CYP7B1: variants seen among roughly 807,000 people sequenced by gnomAD.
CYP7B1 encodes the protein cytochrome P450 family 7 subfamily B member 1.
In CYP7B1, 29 loss-of-function variants were observed where a neutral mutation model predicts 42.7. The observed-to-expected ratio is 0.68, with a 90% CI of 0.51 to 0.93. The LOEUF is 0.93. Among genes scored for constraint, CYP7B1 ranks in the 40% least tolerant of loss-of-function variants. The probability of loss-of-function intolerance (pLI) is 0.00; values close to 1 mark genes in which losing one functional copy is unlikely to be tolerated. For synonymous variants in CYP7B1, 235 were observed against 218.2 expected (o/e 1.08, Z -0.68); for missense variants, 655 against 600.5 (o/e 1.09, Z -0.95).
intron 2 of CYP7B1, among the ~76,000 whole-genome samples, chr8:64,622,136 T>A (rs1420659231): frequency 6.6e-6 from 1 of 151,876 alleles, no homozygotes; most frequent in Non-Finnish European, 1.5e-5. Flanking sequence ...ATTTGAATAA[T>A]AATGCATAAA....
At position 64,659,645 on chromosome 8, in the gene CYP7B1, AT is replaced by A. The variant is rs575150700; in HGVS notation, c.123-35107del. Among the ~76,000 whole-genome samples, 401 of 152,320 alleles carry A rather than the reference AT, an allele frequency of 2.6e-3. 5 individuals carry two copies. Among genetic ancestry groups the A allele is most frequent in the Non-Finnish European group, 1.2e-3 (80 of 68,022 alleles). ...GATCACTGTATACTTGTAATTTTTG[AT>A]ATAAAACATTAGCATAATCACGGTT... On this transcript the variant is annotated intron_variant, in intron 1 of 5. Transcript: ENST00000310193.
chr8:64,617,728 C>T lies in CYP7B1; in HGVS notation c.260-1447G>A, dbSNP rs190166022. On this transcript the variant is annotated intron_variant, in intron 2 of 5. Transcript: ENST00000310193. ...TTGCTCTGTTAGCGGAACAACTTCT[C>T]ACTTGTTATTTATGGTAACTCAAAC... 2.1e-3 allele frequency among the ~76,000 whole-genome samples: 317 copies of T among 151,926 alleles called. 6 individuals are homozygous for T. The highest frequency in any genetic ancestry group is 0.018 in the Admixed American group (274 of 15,230).
intron 5 of CYP7B1, among the ~76,000 whole-genome samples, chr8:64,599,290 G>A (rs1378404478): frequency 1.3e-5 from 2 of 151,994 alleles, no homozygotes; most frequent in Admixed American, 6.6e-5. Context: ...CTGGGTTCAC[G>A]CCATTCTCCT....
At chr8:64,719,456 C>T (rs1364085317) in intron 1 of CYP7B1, among the ~76,000 whole-genome samples, 5 of 152,198 alleles carry the variant, frequency 3.3e-5, no homozygotes, top group Non-Finnish European at 5.9e-5. Context: ...CTGAGTTTAT[C>T]AGCTAGGACA....
chr8:64,711,665 A>T (rs1807083760), intron 1 of CYP7B1, among the ~76,000 whole-genome samples: 1 of 152,328 alleles, frequency 6.6e-6, no homozygotes, highest in Middle Eastern at 3.4e-3. Flanking sequence ...GCAAGCCATA[A>T]TACTAAGGAG....
chr8:64,753,568 G>A (rs1366868118), intron 1 of CYP7B1, among the ~76,000 whole-genome samples: 3 of 152,178 alleles, frequency 2.0e-5, no homozygotes, highest in Admixed American at 6.5e-5. Flanking sequence ...GAAGGAATAC[G>A]TGACAGGACA....
intron 1 of CYP7B1, among the ~76,000 whole-genome samples, chr8:64,774,790 G>C (rs894423009): frequency 3.3e-5 from 5 of 152,084 alleles, no homozygotes; most frequent in African/African-American, 1.2e-4. Flanking sequence ...TCAAGGGTCT[G>C]GGCAATAAAA....
intron 4 of CYP7B1, among the ~76,000 whole-genome samples, chr8:64,606,712 C>T (rs1330959762): frequency 6.6e-6 from 1 of 152,184 alleles, no homozygotes; most frequent in Non-Finnish European, 1.5e-5. Flanking sequence ...AGTGACAAAT[C>T]TGTTTTACCT....
intron 1 of CYP7B1, among the ~76,000 whole-genome samples, chr8:64,792,042 GGCTCACATGAAA>G (rs1240903391): frequency 6.6e-6 from 1 of 152,156 alleles, no homozygotes; most frequent in Non-Finnish European, 1.5e-5. Flanking sequence ...TGCTGGTGAA[GGCTCACATGAAA>G]TGAAGAACTA....
chr8:64,734,717 T>C (rs182136136), intron 1 of CYP7B1, among the ~76,000 whole-genome samples: 2 of 152,330 alleles, frequency 1.3e-5, no homozygotes, highest in East Asian at 1.9e-4. Flanking sequence ...CTATATATCA[T>C]GTGAAGATTG....
At chr8:64,664,467 C>G (rs1296189461) in intron 1 of CYP7B1, among the ~76,000 whole-genome samples, 2 of 152,100 alleles carry the variant, frequency 1.3e-5, no homozygotes, top group African/African-American at 4.8e-5. Flanking sequence ...TATCATTATC[C>G]TCTTTTACAG....
intron 1 of CYP7B1, among the ~76,000 whole-genome samples, chr8:64,741,054 GT>G (rs1334486864): frequency 2.0e-5 from 3 of 151,902 alleles, no homozygotes; most frequent in Non-Finnish European, 4.4e-5. Flanking sequence ...GACCAATGTG[GT>G]TTTATTGAGG....
intron 1 of CYP7B1, among the ~76,000 whole-genome samples, chr8:64,653,990 C>T (rs1806080513): frequency 6.6e-6 from 1 of 151,994 alleles, no homozygotes; most frequent in Non-Finnish European, 1.5e-5. Context: ...AAACTAAAAA[C>T]TCAATAAATA....
At chr8:64,643,683 T>C (rs1805902982) in intron 1 of CYP7B1, among the ~76,000 whole-genome samples, 2 of 152,230 alleles carry the variant, frequency 1.3e-5, no homozygotes, top group Non-Finnish European at 2.9e-5. Context: ...TTTTCAAAAT[T>C]GGAGTCAATT....
At chr8:64,637,874 C>A (rs1805796693) in intron 1 of CYP7B1, among the ~76,000 whole-genome samples, 1 of 152,166 alleles carries the variant, frequency 6.6e-6, no homozygotes, top group Non-Finnish European at 1.5e-5. Flanking sequence ...TCAATATGGT[C>A]AGACATATGG....
chr8:64,661,977 A>G (rs1407775529), intron 1 of CYP7B1, among the ~76,000 whole-genome samples: 1 of 152,118 alleles, frequency 6.6e-6, no homozygotes, highest in Non-Finnish European at 1.5e-5. Context: ...TCATTCATAA[A>G]TATCTAATAT....
chr8:64,731,456 G>C (rs998624433), intron 1 of CYP7B1, among the ~76,000 whole-genome samples: 2 of 152,152 alleles, frequency 1.3e-5, no homozygotes, highest in Non-Finnish European at 2.9e-5. Flanking sequence ...GAATTTGAGA[G>C]AGATGATTTA....
chr8:64,718,717 C>G (rs944559086), intron 1 of CYP7B1, among the ~76,000 whole-genome samples: 1 of 152,176 alleles, frequency 6.6e-6, no homozygotes, highest in African/African-American at 2.4e-5. Context: ...GTGGTCCATT[C>G]CAGGCAGACT....
At chr8:64,736,587 A>G (rs2129633195) in intron 1 of CYP7B1, among the ~76,000 whole-genome samples, 1 of 152,184 alleles carries the variant, frequency 6.6e-6, no homozygotes, top group South Asian at 2.1e-4. Flanking sequence ...AGTAGCTGGG[A>G]CTACAGGTGC....
Sources: gnomAD v4.1 joint callset for allele counts (sites outside exome capture counted in the v4.1 genomes callset) on GRCh38, gnomAD v4.1.1 for gene constraint, MANE v1.5 for transcripts, NCBI Gene and HGNC (gene_info 2026-07-23, HGNC 2026-07-21) for gene names.